The following SESTD1 variants were observed in gnomAD, a reference collection of about 807,000 sequenced individuals.
SESTD1 encodes SEC14 and spectrin domain containing 1.
A neutral mutation model predicts 101.7 loss-of-function variants in SESTD1; 43 were observed. That is an observed-to-expected ratio of 0.42 (90% CI 0.33 to 0.55). The LOEUF is 0.55. Ranked by LOEUF, SESTD1 falls within the 20% of genes least tolerant of loss-of-function variation. The probability of loss-of-function intolerance (pLI) is 0.07; values close to 1 mark genes in which losing one functional copy is unlikely to be tolerated. For synonymous variants in SESTD1, 283 were observed against 286.8 expected, an observed-to-expected ratio of 0.99 and a Z score of 0.13; for missense variants, 647 against 815.1, an observed-to-expected ratio of 0.79 and a Z score of 2.51.
intron 1 of SESTD1, among the ~76,000 whole-genome samples, chr2:179,257,982 C>G (rs1363487870): frequency 2.0e-5 from 3 of 152,180 alleles, no homozygotes; most frequent in Admixed American, 1.3e-4. Context: ...ACCTATGACA[C>G]CTTACCAAAG....
chr2:179,121,910 C>A lies in SESTD1; in HGVS notation c.1302G>T (p.Leu434Phe). 1 of 1,603,152 alleles carries A rather than the reference C, an allele frequency of 6.2e-7. No individual in the cohort carries two copies. The highest frequency in any genetic ancestry group is 8.5e-7 in the Non-Finnish European group (1 of 1,176,494). Residue 434 changes from leucine (L) to phenylalanine (F), a missense_variant, in exon 13 of 18, where the codon TTG (leucine) becomes TTT (phenylalanine). By Grantham distance (22) the Leu-to-Phe change is conservative (BLOSUM62 0). Transcript: ENST00000428443. ...CCAGGAGACCTTGACCTTTTTCACG[C>A]AAACCTTGCAATCCCACATCTAAAA... ...LKSVDVGLQG[L>F]REKGQGLLDQ...
intron 1 of SESTD1, among the ~76,000 whole-genome samples, chr2:179,200,568 A>G (rs1396945211): frequency 1.3e-5 from 2 of 152,132 alleles, no homozygotes; most frequent in African/African-American, 2.4e-5. Flanking sequence ...TGGTACCAAA[A>G]CAGAGATATA....
chr2:179,221,556 T>C (rs947534380), intron 1 of SESTD1, among the ~76,000 whole-genome samples: 7 of 150,916 alleles, frequency 4.6e-5, no homozygotes, highest in African/African-American at 1.7e-4. Flanking sequence ...AAGGCAGAGG[T>C]TGCAGTGAGC....
At chr2:179,160,816 C>T (rs1157625873) in intron 5 of SESTD1, among the ~76,000 whole-genome samples, 2 of 150,948 alleles carry the variant, frequency 1.3e-5, no homozygotes, top group East Asian at 1.9e-4. Context: ...TTTTTTTTTG[C>T]AGAACATAAT....
At chr2:179,152,191 T>C (rs2045543826) in intron 5 of SESTD1, among the ~76,000 whole-genome samples, 1 of 152,196 alleles carries the variant, frequency 6.6e-6, no homozygotes, top group Non-Finnish European at 1.5e-5. Context: ...GGAAAGAGCA[T>C]CATTGCCACT....
intron 2 of SESTD1, among the ~76,000 whole-genome samples, chr2:179,191,280 C>T (rs1417520462): frequency 1.3e-5 from 2 of 152,156 alleles, no homozygotes; most frequent in Non-Finnish European, 2.9e-5. Flanking sequence ...TTTGCCACAA[C>T]ATGGATGCAG....
At position 179,109,786 on chromosome 2, in the gene SESTD1, AAATGAGAC is replaced by A; in HGVS notation, c.*105_*112del. On this transcript the variant is annotated 3_prime_UTR_variant, in exon 18 of 18. Coordinates refer to ENST00000428443, the MANE Select transcript of SESTD1 (RefSeq NM_178123.5). Reference sequence around the variant, plus strand: ...GTAAAGAGAAATGTGTCATGAAAAGAAATGAGACTTATTTTGGCTGTGAAATGCATCTT... The same window carrying A: ...GTAAAGAGAAATGTGTCATGAAAAGATTATTTTGGCTGTGAAATGCATCTT... 7.3e-7 allele frequency: 1 copy of A among 1,363,054 alleles called. No homozygotes were observed. Among genetic ancestry groups the A allele is most frequent in the Non-Finnish European group, 1.0e-6 (1 of 1,001,486 alleles). The allele number at this position is 1,363,054 out of a possible 1,614,324, so 84.4% of individuals were successfully genotyped here.
At chr2:179,237,995 C>T (rs574221950) in intron 1 of SESTD1, among the ~76,000 whole-genome samples, 3 of 152,296 alleles carry the variant, frequency 2.0e-5, no homozygotes, top group South Asian at 4.1e-4. Flanking sequence ...TACTAAGAGC[C>T]TACTGCTGAC....
intron 6 of SESTD1, among the ~76,000 whole-genome samples, chr2:179,150,031 T>C (rs1228134240): frequency 6.6e-6 from 1 of 152,038 alleles, no homozygotes; most frequent in African/African-American, 2.4e-5. Context: ...AGTTCATGAC[T>C]GGCCTGGGCA....
At chr2:179,220,405 T>G (rs1216613697) in intron 1 of SESTD1, among the ~76,000 whole-genome samples, 1 of 152,184 alleles carries the variant, frequency 6.6e-6, no homozygotes, top group Non-Finnish European at 1.5e-5. Context: ...AAAAGGAACA[T>G]TGCACTAGAG....
At position 179,254,091 on chromosome 2, in the gene SESTD1, C is replaced by A. The variant is rs553573427; in HGVS notation, c.-26+10408G>T. ...CTTCAGCCTGGGTGGCAGAGTGAGA[C>A]CTTGTCTCGAAAAAAAAATAAAATA... is the stretch of plus-strand genomic sequence containing the variant. On this transcript the variant is annotated intron_variant, in intron 1 of 17. Coordinates refer to ENST00000428443, the MANE Select transcript of SESTD1 (RefSeq NM_178123.5). 6.3e-4 allele frequency among the ~76,000 whole-genome samples: 95 copies of A among 151,160 alleles called. 1 individual carries two copies. The highest frequency in any genetic ancestry group is 2.3e-3 in the African/African-American group (93 of 41,290).
At chr2:179,200,438 A>C (rs2046488785) in intron 1 of SESTD1, among the ~76,000 whole-genome samples, 1 of 150,876 alleles carries the variant, frequency 6.6e-6, no homozygotes, top group African/African-American at 2.5e-5. Context: ...GTTCATATGG[A>C]ACCAAAAAAG....
intron 1 of SESTD1, among the ~76,000 whole-genome samples, chr2:179,204,484 G>C (rs1202372751): frequency 7.5e-6 from 1 of 134,006 alleles, no homozygotes; most frequent in Admixed American, 7.3e-5. Context: ...TGTTATTTCT[G>C]TGAACCAATG....
At chr2:179,184,918 T>C (rs1276073697) in intron 2 of SESTD1, among the ~76,000 whole-genome samples, 2 of 152,072 alleles carry the variant, frequency 1.3e-5, no homozygotes, top group African/African-American at 4.8e-5. Context: ...AGTGTAAAAG[T>C]ACCAGAGGGG....
intron 1 of SESTD1, among the ~76,000 whole-genome samples, chr2:179,206,600 C>T (rs1276408191): frequency 7.4e-6 from 1 of 135,058 alleles, no homozygotes; most frequent in Non-Finnish European, 1.6e-5. Flanking sequence ...GGGGGAAGGG[C>T]CACAGGGTGA....
intron 10 of SESTD1, among the ~76,000 whole-genome samples, chr2:179,130,517 A>G (rs977730898): frequency 6.6e-6 from 1 of 152,078 alleles, no homozygotes; most frequent in Non-Finnish European, 1.5e-5. Context: ...TTTCATCCAT[A>G]CTATACGCAA....
intron 5 of SESTD1, chr2:179,162,453 T>G (rs950864390): frequency 6.6e-6 from 1 of 152,156 alleles, no homozygotes; most frequent in East Asian, 1.9e-4. Context: ...TATATTATCT[T>G]GCAGTGATCA....
At chr2:179,213,778 T>A (rs2046682085) in intron 1 of SESTD1, among the ~76,000 whole-genome samples, 1 of 133,734 alleles carries the variant, frequency 7.5e-6, no homozygotes, top group African/African-American at 2.9e-5. Context: ...AAGGATGGAA[T>A]CTCCTGGCAG....
intron 9 of SESTD1, among the ~76,000 whole-genome samples, chr2:179,136,331 G>A (rs767785217): frequency 1.3e-5 from 2 of 152,040 alleles, no homozygotes; most frequent in African/African-American, 2.4e-5. Flanking sequence ...AGTTCCCTCC[G>A]TCCACTAACT....
Sources: gnomAD v4.1 joint callset for allele counts (sites outside exome capture counted in the v4.1 genomes callset) on GRCh38, gnomAD v4.1.1 for gene constraint, MANE v1.5 for transcripts, NCBI Gene and HGNC (gene_info 2026-07-23, HGNC 2026-07-21) for gene names.